Variants in AKTIP observed in about 807,000 individuals in gnomAD.
The protein encoded by AKTIP is AKT-interacting protein.
In AKTIP, 16 loss-of-function variants were observed where a neutral mutation model predicts 39.1. The ratio of observed to expected loss-of-function variants is 0.41; its 90% CI spans 0.28 to 0.62. The LOEUF (loss-of-function observed/expected upper bound fraction) is 0.62. AKTIP is among the 20% of genes least tolerant of loss of function. The pLI is 0.32. For missense variants in AKTIP, 262 were observed against 356.6 expected, an observed-to-expected ratio of 0.73 and a Z score of 2.14; for synonymous variants, 93 against 124.3, an observed-to-expected ratio of 0.75 and a Z score of 1.67.
chr16:53,498,311 C>A, intron 3 of AKTIP, 80 bp downstream of exon 3: 1 of 1,424,550 alleles, frequency 7.0e-7, no homozygotes, highest in Non-Finnish European at 9.9e-7. Context: ...CTGCCCTTTA[C>A]TGCATCCATC....
In AKTIP at chr16:53,491,072, A is replaced by AT. The variant is rs1214409815; in HGVS notation, c.*1339dup. On this transcript the variant is annotated 3_prime_UTR_variant, in exon 10 of 10. Transcript: ENST00000394657. ...CCAATATTTTCTTTAATGCTTTTATATTTTTTTAAAATGTTAAAACCCCTA... is the reference window on the plus strand; with the variant it reads ...CCAATATTTTCTTTAATGCTTTTATATTTTTTTTAAAATGTTAAAACCCCTA... 2.0e-5 allele frequency: 3 copies of AT among 152,564 alleles called. No individual in the cohort carries two copies. Among genetic ancestry groups the AT allele is most frequent in the Non-Finnish European group, 2.9e-5 (2 of 68,016 alleles). 9.5% of individuals were successfully genotyped at this position (152,564 alleles called of 1,614,324 possible).
At chr16:53,501,622 A>G (rs1962175041) in intron 1 of AKTIP, 1 of 152,242 alleles carries the variant, frequency 6.6e-6, no homozygotes, top group Admixed American at 6.5e-5. Flanking sequence ...TTTCTTAAAC[A>G]GATCATGAGC....
Position 53,492,517 on chromosome 16 carries a change from C to A in AKTIP, c.774G>T (p.Lys258Asn). 2 of 1,614,108 alleles carry A rather than the reference C, an allele frequency of 1.2e-6. No individual in the cohort carries two copies. The highest frequency in any genetic ancestry group is 1.7e-6 in the Non-Finnish European group (2 of 1,179,966). The change falls in exon 10 of 10, where the codon AAG becomes AAT. Residue 258 changes from lysine to asparagine, a missense_variant and splice_region_variant. This residue lies in a region of AKTIP where 145 missense variants were observed against 159.3 expected (regional missense o/e 0.91). Coordinates refer to ENST00000394657, the MANE Select transcript of AKTIP (RefSeq NM_022476.4). ...CACTTTTATTGTGCTGTTCTTCAGG[C>A]TTCTTCTAGGCACAATCAAAACAGA... Reference protein sequence around the residue: ...EAREKMLTQKKPEEQHNKSVH... With the variant: ...EAREKMLTQKNPEEQHNKSVH...
intron 8 of AKTIP, 53 bp from the exon 9 acceptor site, chr16:53,492,806 A>G (rs549374435): frequency 4.4e-4 from 675 of 1,539,236 alleles, no homozygotes; most frequent in Middle Eastern, 6.9e-4. Flanking sequence ...CTAAATTTCT[A>G]TAACATTCAT....
chr16:53,502,508 C>A (rs1962229129), intron 1 of AKTIP, among the ~76,000 whole-genome samples: 1 of 152,156 alleles, frequency 6.6e-6, no homozygotes, highest in South Asian at 2.1e-4. Context: ...TGCCACAGCG[C>A]ACTCACATCA....
At chr16:53,499,517 G>A (rs977687939) in intron 2 of AKTIP, among the ~76,000 whole-genome samples, 2 of 149,992 alleles carry the variant, frequency 1.3e-5, no homozygotes, top group African/African-American at 4.9e-5. Flanking sequence ...GTGCAGTGGC[G>A]CGATCTCAGC....
intron 3 of AKTIP, among the ~76,000 whole-genome samples, chr16:53,497,391 C>T (rs1223599519): frequency 1.3e-5 from 2 of 152,200 alleles, no homozygotes; most frequent in African/African-American, 4.8e-5. Flanking sequence ...CCTAGAATTG[C>T]TAAGTCCTGC....
chr16:53,501,693 A>G (rs908251638), intron 1 of AKTIP: 3 of 152,248 alleles, frequency 2.0e-5, no homozygotes, highest in Non-Finnish European at 2.9e-5. Context: ...AGCTTGTGAC[A>G]TCCAGGGACG....
At chr16:53,502,316 T>C (rs1330286954) in intron 1 of AKTIP, among the ~76,000 whole-genome samples, 1 of 152,214 alleles carries the variant, frequency 6.6e-6, no homozygotes, top group Admixed American at 6.5e-5. Context: ...ATGACATAGA[T>C]GGAAGCAAGA....
At chr16:53,499,630 T>G (rs1962051726) in intron 2 of AKTIP, among the ~76,000 whole-genome samples, 1 of 151,916 alleles carries the variant, frequency 6.6e-6, no homozygotes, top group Non-Finnish European at 1.5e-5. Context: ...CAGCTAATTT[T>G]TTTGTATATT....
chr16:53,493,346 A>T (rs925038629), intron 8 of AKTIP: 1 of 153,224 alleles, frequency 6.5e-6, no homozygotes, highest in Non-Finnish European at 1.5e-5. Context: ...TGTATTTTGT[A>T]TTTTTAATAG....
At chr16:53,494,893 G>A in intron 5 of AKTIP, 180 bp downstream of exon 5, 1 of 750,074 alleles carries the variant, frequency 1.3e-6, no homozygotes. Context: ...ACCCTGAGCA[G>A]AGAAACAAAG....
chr16:53,499,836 TTA>T (rs1429699585), intron 2 of AKTIP, among the ~76,000 whole-genome samples: 4 of 152,188 alleles, frequency 2.6e-5, no homozygotes, highest in African/African-American at 7.2e-5. Context: ...ATCATTTTAT[TTA>T]GAAAAATTAA....
Position 53,492,240 on chromosome 16 carries a change from T to G in AKTIP, c.*172A>C, listed in dbSNP as rs1961525255. The stretch of plus-strand genomic sequence containing the variant: ...ACTTCTGACAGAAGTAATGCATTAC[T>G]TAGAGACAGGTTTCCAAACCCTGCT... On this transcript the variant is annotated 3_prime_UTR_variant, in exon 10 of 10. Transcript: ENST00000394657. 1 of 595,094 alleles carries G rather than the reference T, an allele frequency of 1.7e-6. No individual in the cohort carries two copies. The highest frequency in any genetic ancestry group is 3.0e-6 in the Non-Finnish European group (1 of 337,200). The allele number at this position is 595,094 out of a possible 1,614,324, so 36.9% of individuals were successfully genotyped here.
chr16:53,494,755 T>C, intron 5 of AKTIP, 150 bp from the exon 6 acceptor site: 1 of 817,548 alleles, frequency 1.2e-6, no homozygotes. Context: ...TAACTACTTT[T>C]ACCATTTTCC....
intron 2 of AKTIP, among the ~76,000 whole-genome samples, chr16:53,499,749 C>T (rs868231584): frequency 9.9e-5 from 15 of 152,124 alleles, no homozygotes; most frequent in African/African-American, 3.6e-4. Context: ...GCATGAGCCA[C>T]CGTGCCCAGC....
chr16:53,492,375 A>G lies in AKTIP; in HGVS notation c.*37T>C. 6.3e-7 allele frequency: 1 copy of G among 1,579,594 alleles called. No individual in the cohort carries two copies. The highest frequency in any genetic ancestry group is 8.7e-7 in the Non-Finnish European group (1 of 1,150,902). On this transcript the variant is annotated 3_prime_UTR_variant, in exon 10 of 10. Transcript: ENST00000394657. ...GTCAGCTTGAACTAGGCCAGAGTCTAGCAGGAAAGTGCATGGTGCACCAGA... is the reference window on the plus strand; with the variant it reads ...GTCAGCTTGAACTAGGCCAGAGTCTGGCAGGAAAGTGCATGGTGCACCAGA...
chr16:53,495,381 C>G lies in AKTIP; in HGVS notation c.249-55G>C, dbSNP rs931490929. On this transcript the variant is annotated intron_variant, in intron 3 of 9. Transcript: ENST00000394657. ...GTGGATACAAATGACACATGCAGAT[C>G]AAACCACCCCACATTCACTTTGAGA... is the stretch of plus-strand genomic sequence containing the variant. 27 of 1,529,252 alleles carry G rather than the reference C, an allele frequency of 1.8e-5. No homozygotes were observed. The Admixed American group carries it at 2.0e-4, about 11-fold the overall frequency. 94.7% of individuals were successfully genotyped at this position (1,529,252 alleles called of 1,614,324 possible).
chr16:53,491,514 C>T lies in AKTIP; in HGVS notation c.*898G>A, dbSNP rs922166597. The T allele has an allele frequency of 3.9e-5, 6 of 152,434 alleles. No homozygotes were observed. The highest frequency in any genetic ancestry group is 7.4e-5 in the Non-Finnish European group (5 of 68,002). The allele number at this position is 152,434 out of a possible 1,614,324, so 9.4% of individuals were successfully genotyped here. ...AAAGTTACTAGGTAACTTCATATTG[C>T]TGAGAGAAATATGGAACTTACATTG... On this transcript the variant is annotated 3_prime_UTR_variant, in exon 10 of 10. Transcript: ENST00000394657.
Sources: gnomAD v4.1 joint callset for allele counts (sites outside exome capture counted in the v4.1 genomes callset) on GRCh38, gnomAD v4.1.1 for gene constraint, gnomAD v4.1.1 regional missense constraint, MANE v1.5 for transcripts, NCBI Gene and HGNC (gene_info 2026-07-23, HGNC 2026-07-21) for gene names.